UNC79: variants seen among roughly 807,000 people sequenced by gnomAD.
The protein encoded by UNC79 is unc-79 subunit of NALCN channel complex, also known as protein unc-79 homolog.
UNC79 carries 37 observed loss-of-function variants against 283.1 expected under a neutral mutation model. The ratio of observed to expected loss-of-function variants is 0.13; its 90% confidence interval spans 0.10 to 0.17. The LOEUF is 0.17. Among genes scored for constraint, UNC79 ranks in the 10% least tolerant of loss-of-function variants. The probability of loss-of-function intolerance (pLI) is 1.00; values close to 1 mark genes in which losing one functional copy is unlikely to be tolerated. For missense variants in UNC79, 2,272 were observed against 3,211.1 expected (o/e 0.71, Z 7.07); for synonymous variants, 1,107 against 1,200.2 (o/e 0.92, Z 1.61).
intron 5 of UNC79, among the ~76,000 whole-genome samples, chr14:93,493,369 T>A (rs1178988307): frequency 2.0e-5 from 3 of 152,054 alleles, no homozygotes; most frequent in African/African-American, 7.2e-5. Flanking sequence ...GAGGCCTGCG[T>A]TTATTCCAAA....
chr14:93,672,053 T>C (rs1159361268), intron 40 of UNC79, among the ~76,000 whole-genome samples: 1 of 152,136 alleles, frequency 6.6e-6, no homozygotes, highest in Non-Finnish European at 1.5e-5. Context: ...GGCGAGGATA[T>C]GGAGAAAAGG....
chr14:93,357,715 A>G (rs1595382927), intron 1 of UNC79, among the ~76,000 whole-genome samples: 1 of 122,918 alleles, frequency 8.1e-6, no homozygotes, highest in Non-Finnish European at 1.7e-5. Flanking sequence ...ATATATATAT[A>G]TATATGGATA....
chr14:93,418,262 G>T (rs1001161694), intron 1 of UNC79, among the ~76,000 whole-genome samples: 5 of 151,812 alleles, frequency 3.3e-5, no homozygotes, highest in African/African-American at 1.2e-4. Context: ...CTGCAGGTCT[G>T]TTGGAGTTTG....
In UNC79 at chr14:93,525,412, G is replaced by T. The variant is rs1254769287; in HGVS notation, c.963+1370G>T. On this transcript the variant is annotated intron_variant, in intron 8 of 48. Coordinates refer to ENST00000555664, the Ensembl canonical transcript of UNC79. The stretch of plus-strand genomic sequence containing the variant: ...TGCAGTGAGAGGAGATTGCACCACT[G>T]CACTCCAGCCTGGGCAACAGAGCAA... 2.6e-5 allele frequency among the ~76,000 whole-genome samples: 4 copies of T among 152,038 alleles called. No individual in the cohort carries two copies. The East Asian group carries it at 7.7e-4, about 29-fold the overall frequency.
At chr14:93,511,427 A>T (rs1306995633) in intron 7 of UNC79, among the ~76,000 whole-genome samples, 1 of 151,976 alleles carries the variant, frequency 6.6e-6, no homozygotes, top group Non-Finnish European at 1.5e-5. Flanking sequence ...TTTTATTCTG[A>T]ATAGTTTTTA....
At chr14:93,537,106 G>C (rs977611702) in intron 11 of UNC79, among the ~76,000 whole-genome samples, 2 of 152,084 alleles carry the variant, frequency 1.3e-5, no homozygotes, top group African/African-American at 2.4e-5. Flanking sequence ...CGCCCCCTTG[G>C]GGGTGTTCAC....
intron 47 of UNC79, 151 bp from the exon 51 acceptor site, chr14:93,704,474 T>C (rs2075736641): frequency 1.2e-6 from 1 of 866,216 alleles, no homozygotes; most frequent in Non-Finnish European, 1.8e-6. Context: ...CAGAAAGACA[T>C]TTTGCTGATA....
chr14:93,508,596 A>G (rs1375879571), intron 7 of UNC79, among the ~76,000 whole-genome samples: 2 of 152,108 alleles, frequency 1.3e-5, no homozygotes, highest in Non-Finnish European at 2.9e-5. Context: ...GAAGTCTTAC[A>G]TTTCTTTTGT....
chr14:93,393,014 A>T (rs4900182), intron 1 of UNC79, among the ~76,000 whole-genome samples: 1 of 152,090 alleles, frequency 6.6e-6, no homozygotes, highest in African/African-American at 2.4e-5. Flanking sequence ...CAAGATTGAG[A>T]GCACATCTGG....
At chr14:93,602,528 A>C (rs1317900484) in intron 25 of UNC79, among the ~76,000 whole-genome samples, 2 of 152,180 alleles carry the variant, frequency 1.3e-5, no homozygotes, top group Non-Finnish European at 2.9e-5. Flanking sequence ...TTTAAACTCC[A>C]GGAATGCGAT....
In UNC79 at chr14:93,641,074, G is replaced by A. The variant is rs2068986053; in HGVS notation, c.5801-71G>A. The A allele has an allele frequency of 2.6e-5, 35 of 1,325,690 alleles. No individual in the cohort carries two copies. The South Asian group carries it at 4.4e-4, about 17-fold the overall frequency. 82.1% of individuals were successfully genotyped at this position (1,325,690 alleles called of 1,614,324 possible). On this transcript the variant is annotated intron_variant, in intron 32 of 48. Transcript: ENST00000555664. ...GTGATCTTTGGAGGGTTTCTAAGAG[G>A]AGAACCAGGCCTTTCTTGGCCCCTT... is the stretch of plus-strand genomic sequence containing the variant.
intron 7 of UNC79, among the ~76,000 whole-genome samples, chr14:93,522,053 G>A (rs1448302218): frequency 6.6e-6 from 1 of 151,548 alleles, no homozygotes; most frequent in African/African-American, 2.4e-5. Context: ...TCTACAACCT[G>A]TTCTTAACAC....
At chr14:93,601,859 T>C (rs1216506024) in intron 25 of UNC79, among the ~76,000 whole-genome samples, 1 of 152,184 alleles carries the variant, frequency 6.6e-6, no homozygotes. Context: ...ATTAGTGATG[T>C]TGAGCATTTT....
At chr14:93,431,729 A>G (rs889437479) in intron 1 of UNC79, among the ~76,000 whole-genome samples, 6 of 152,250 alleles carry the variant, frequency 3.9e-5, no homozygotes, top group Non-Finnish European at 2.9e-5. Flanking sequence ...AGGGCAGCCC[A>G]TAGCACCGGA....
Position 93,621,894 on chromosome 14 carries a change from C to G in UNC79, c.4661C>G (p.Thr1554Arg), listed in dbSNP as rs202073110. 1.9e-6 allele frequency: 3 copies of G among 1,614,036 alleles called. No homozygotes were observed. The highest frequency in any genetic ancestry group is 3.3e-4 in the Middle Eastern group (2 of 6,062). ...GGACGTTCTAGACAGAACTCTGCTA[C>G]GAGGCCTGACAATAGTGAAATCCCC... is the stretch of plus-strand genomic sequence containing the variant. Residue 1554 changes from threonine (T) to arginine (R), a missense_variant, in exon 30 of 49, where the codon ACG (threonine) becomes AGG (arginine). Physicochemically the swap from Thr to Arg is moderately conservative, Grantham distance 71. Coordinates refer to ENST00000555664, the Ensembl canonical transcript of UNC79. This position sits in a 1 kb window ranked among gnomAD's most constrained non-coding sequence, Gnocchi z 4.8.
At chr14:93,547,152 TCAGA>T (rs200232058) in intron 14 of UNC79, among the ~76,000 whole-genome samples, 2,111 of 152,304 alleles carry the variant, frequency 0.014, 22 homozygotes, top group Middle Eastern at 0.037. Flanking sequence ...TTGTCTACCA[TCAGA>T]CAAAGAAGCA....
At chr14:93,660,969 T>C (rs1444802035) in intron 39 of UNC79, among the ~76,000 whole-genome samples, 2 of 152,084 alleles carry the variant, frequency 1.3e-5, no homozygotes, top group Non-Finnish European at 2.9e-5. Flanking sequence ...AGATTTTCTA[T>C]ATGGAAAGCA....
intron 1 of UNC79, among the ~76,000 whole-genome samples, chr14:93,346,731 T>TCTC: frequency 6.6e-6 from 1 of 152,078 alleles, no homozygotes; most frequent in South Asian, 2.1e-4. Flanking sequence ...AAAGTATAGG[T>TCTC]AGAGAGGAAG....
At chr14:93,656,410 G>A (rs1363982596) in intron 38 of UNC79, among the ~76,000 whole-genome samples, 15 of 151,976 alleles carry the variant, frequency 9.9e-5, no homozygotes, top group African/African-American at 3.6e-4. Context: ...TTTGAGAGCA[G>A]TCTGGGGAGC....
Sources: gnomAD v4.1 joint callset for allele counts (sites outside exome capture counted in the v4.1 genomes callset) on GRCh38, gnomAD v4.1.1 for gene constraint, Gnocchi (gnomAD v3.1) non-coding constraint, MANE v1.5 for transcripts, NCBI Gene and HGNC (gene_info 2026-07-23, HGNC 2026-07-21) for gene names.